Variants in VPS13C observed in about 807,000 individuals in gnomAD.
The protein encoded by VPS13C is vacuolar protein sorting 13 homolog C.
VPS13C carries 358 observed loss-of-function variants against 456.8 expected under a neutral mutation model. The observed-to-expected ratio is 0.78, with a 90% CI of 0.72 to 0.86. VPS13C has a LOEUF of 0.86. Ranked by LOEUF, VPS13C falls within the 40% of genes least tolerant of loss-of-function variation. The pLI is 0.00. For missense variants in VPS13C, 4,818 were observed against 4,385.4 expected (o/e 1.10, Z -2.79); for synonymous variants, 1,578 against 1,486.7 (o/e 1.06, Z -1.41).
In VPS13C at chr15:62,000,309, G is replaced by A. The variant is rs537692096; in HGVS notation, c.1353+255C>T. Among the ~76,000 whole-genome samples the A allele has an allele frequency of 4.6e-5, 7 of 152,116 alleles. No individual in the cohort carries two copies. The East Asian group carries it at 7.7e-4, about 17-fold the overall frequency. On this transcript the variant is annotated intron_variant, in intron 16 of 84. Coordinates refer to ENST00000644861, the MANE Select transcript of VPS13C (RefSeq NM_020821.3). ...GCACCCGGGAGGCAGAGGCTGCAGC[G>A]AGCCAAGATCACGCCACTGCATCCC...
At chr15:61,886,892 A>C (rs1248220162) in intron 67 of VPS13C, among the ~76,000 whole-genome samples, 1 of 152,216 alleles carries the variant, frequency 6.6e-6, no homozygotes, top group Non-Finnish European at 1.5e-5. Flanking sequence ...AAAAACTCTG[A>C]GACAACTTAA....
rs1453227043 is a variant in VPS13C, at chr15:61,964,711, T to G, written c.3202A>C (p.Thr1068Pro). The change falls in exon 31 of 85, where the codon ACT (threonine) becomes CCT (proline). Residue 1068 changes from threonine (T) to proline (P), a missense_variant. Physicochemically the swap from Thr to Pro is conservative, Grantham distance 38. Around this residue, in one of 3 missense-constraint regions of VPS13C, gnomAD observed 4,552 missense variants for 4,130.6 expected, o/e 1.10. Transcript: ENST00000644861. ...ISTEKQQKNS[T>P]LPKAIVSSRD... Reference sequence around the variant, plus strand: ...GTATGTTTCATACCTTTTGGCAGAGTTGAATTTTTTTGTTGTTTTTCAGTT... The same window carrying G: ...GTATGTTTCATACCTTTTGGCAGAGGTGAATTTTTTTGTTGTTTTTCAGTT... 2.5e-6 allele frequency: 4 copies of G among 1,599,900 alleles called. No homozygotes were observed. Among genetic ancestry groups the G allele is most frequent in the African/African-American group, 2.7e-5 (2 of 73,914 alleles).
rs1567007461 is a variant in VPS13C, at chr15:61,922,449, T to C, written c.6923A>G (p.Asn2308Ser). The change falls in exon 54 of 85, where the codon AAT becomes AGT. Residue 2308 changes from asparagine to serine, a missense_variant. Asn to Ser is a conservative substitution (Grantham distance 46). Around this residue, in one of 3 missense-constraint regions of VPS13C, gnomAD observed 4,552 missense variants for 4,130.6 expected, o/e 1.10. Transcript: ENST00000644861. ...LLLAESKFSG[N>S]IKNWTSLMAA... is the part of the protein sequence containing the mutation. ...CATTAGAGAAGTCCAATTTTTAATA[T>C]TTCCTGAAAACTTAGACTCTGCCAA... 6.2e-7 allele frequency: 1 copy of C among 1,614,002 alleles called. No individual in the cohort carries two copies. The highest frequency in any genetic ancestry group is 8.5e-7 in the Non-Finnish European group (1 of 1,179,922).
intron 13 of VPS13C, among the ~76,000 whole-genome samples, chr15:62,009,723 T>C (rs1277190720): frequency 6.6e-6 from 1 of 152,184 alleles, no homozygotes; most frequent in Non-Finnish European, 1.5e-5. Context: ...CCTGTCCTCC[T>C]TTCACTTCCA....
intron 20 of VPS13C, among the ~76,000 whole-genome samples, chr15:61,983,121 C>G (rs1463121170): frequency 6.6e-6 from 1 of 152,096 alleles, no homozygotes; most frequent in Non-Finnish European, 1.5e-5. Context: ...TATTTTACCA[C>G]AATTAAAATT....
At chr15:62,000,310 A>T (rs556102344) in intron 16 of VPS13C, among the ~76,000 whole-genome samples, 36 of 152,284 alleles carry the variant, frequency 2.4e-4, no homozygotes, top group Admixed American at 1.4e-3. Flanking sequence ...GGCTGCAGCG[A>T]GCCAAGATCA....
intron 2 of VPS13C, among the ~76,000 whole-genome samples, chr15:62,041,910 T>C (rs1724323655): frequency 6.6e-6 from 1 of 152,130 alleles, no homozygotes; most frequent in African/African-American, 2.4e-5. Flanking sequence ...AAAAAGTTTG[T>C]AAATAGCCAG....
intron 66 of VPS13C, among the ~76,000 whole-genome samples, chr15:61,900,835 C>G (rs2042975554): frequency 1.3e-5 from 2 of 151,972 alleles, no homozygotes; most frequent in South Asian, 4.2e-4. Context: ...AAGCTGGAGG[C>G]ATCACACTGC....
chr15:61,950,407 T>A lies in VPS13C; in HGVS notation c.4547A>T (p.Asp1516Val). 1 of 1,611,632 alleles carries A rather than the reference T, an allele frequency of 6.2e-7. No individual in the cohort carries two copies. Among genetic ancestry groups the A allele is most frequent in the African/African-American group, 1.3e-5 (1 of 74,980 alleles). The change falls in exon 41 of 85, where the codon GAT becomes GTT. Residue 1516 changes from aspartate (D) to valine (V), a missense_variant. Transcript: ENST00000644861. Reference protein sequence around the residue: ...LKMLLTKADSDGPEFKTIHDS... With the variant: ...LKMLLTKADSVGPEFKTIHDS... ...ATGAATAGTTTTAAATTCTGGTCCA[T>A]CACTGTCTGCCTACAAATAGTGGAG...
chr15:61,990,965 G>A (rs774605492), intron 18 of VPS13C, 35 bp downstream of exon 18: 1 of 1,438,620 alleles, frequency 7.0e-7, no homozygotes, highest in East Asian at 2.3e-5. Context: ...ATAGTACAAT[G>A]AGACAAAATT....
At chr15:61,883,767 CA>C (rs999205148) in intron 68 of VPS13C, among the ~76,000 whole-genome samples, 4 of 151,862 alleles carry the variant, frequency 2.6e-5, no homozygotes, top group African/African-American at 9.7e-5. Flanking sequence ...TGGTGTCATT[CA>C]AAATATAACA....
chr15:61,899,672 C>T (rs1277471390), intron 66 of VPS13C, among the ~76,000 whole-genome samples: 1 of 150,532 alleles, frequency 6.6e-6, no homozygotes, highest in East Asian at 2.0e-4. Context: ...CAGCCGAATT[C>T]TACCAGAGGT....
intron 51 of VPS13C, among the ~76,000 whole-genome samples, chr15:61,929,042 A>G (rs1272125769): frequency 6.6e-6 from 1 of 152,220 alleles, no homozygotes; most frequent in Non-Finnish European, 1.5e-5. Context: ...GCATACACCT[A>G]GACCAGACAT....
At chr15:61,919,752 T>C (rs2043588480) in intron 57 of VPS13C, among the ~76,000 whole-genome samples, 1 of 150,226 alleles carries the variant, frequency 6.7e-6, no homozygotes, top group Non-Finnish European at 1.5e-5. Flanking sequence ...GTAAGACTTC[T>C]GAATATAGCT....
intron 74 of VPS13C, 56 bp from the exon 75 acceptor site, chr15:61,877,110 A>G (rs2140892628): frequency 2.1e-6 from 3 of 1,417,738 alleles, no homozygotes; most frequent in Non-Finnish European, 2.9e-6. Context: ...ATAAAAAAAG[A>G]GACTTAAAAT....
intron 15 of VPS13C, among the ~76,000 whole-genome samples, chr15:62,002,382 TA>T (rs1225657111): frequency 1.3e-5 from 2 of 152,214 alleles, no homozygotes; most frequent in Non-Finnish European, 2.9e-5. Context: ...TTTTTTCTTG[TA>T]AATTTGTTTG....
chr15:61,989,864 C>T (rs1190205072), intron 18 of VPS13C, among the ~76,000 whole-genome samples: 1 of 152,146 alleles, frequency 6.6e-6, no homozygotes, highest in Admixed American at 6.5e-5. Context: ...CATTGGAAAA[C>T]TATTTAATAT....
intron 1 of VPS13C, among the ~76,000 whole-genome samples, chr15:62,052,534 G>C (rs571897580): frequency 6.6e-6 from 1 of 152,000 alleles, no homozygotes; most frequent in African/African-American, 2.4e-5. Context: ...TTAGCCAGGC[G>C]TGGTGGCGGG....
chr15:62,020,154 C>A (rs2047407818), intron 9 of VPS13C, among the ~76,000 whole-genome samples: 1 of 151,774 alleles, frequency 6.6e-6, no homozygotes, highest in Non-Finnish European at 1.5e-5. Context: ...GAAATTCCAT[C>A]TACCTATACC....
Sources: gnomAD v4.1 joint callset for allele counts (sites outside exome capture counted in the v4.1 genomes callset) on GRCh38, gnomAD v4.1.1 for gene constraint, gnomAD v4.1.1 regional missense constraint, MANE v1.5 for transcripts, NCBI Gene and HGNC (gene_info 2026-07-23, HGNC 2026-07-21) for gene names.